Variants in MYO3A observed in about 807,000 individuals in gnomAD.
The protein encoded by MYO3A is myosin IIIA, also known as myosin-IIIa.
A neutral mutation model predicts 192.7 loss-of-function variants in MYO3A; 180 were observed. The ratio of observed to expected loss-of-function variants is 0.93; its 90% CI spans 0.83 to 1.06. MYO3A has a LOEUF of 1.06. MYO3A is among the 50% of genes least tolerant of loss of function. The pLI, the probability that MYO3A is intolerant of heterozygous loss-of-function variation, is 0.00. For missense variants in MYO3A, 1,896 were observed against 1,905.0 expected (o/e 1.00, Z 0.09); for synonymous variants, 628 against 645.3 (o/e 0.97, Z 0.41).
intron 4 of MYO3A, 97 bp from the exon 5 acceptor site, chr10:25,996,393 A>G (rs1213116946): frequency 3.2e-6 from 3 of 940,332 alleles, no homozygotes; most frequent in African/African-American, 1.6e-5. Flanking sequence ...GAAAGAGAAC[A>G]TTGGAACACT....
At chr10:26,069,992 G>A (rs1158210113) in intron 12 of MYO3A, 119 bp from the exon 13 acceptor site, 2 of 691,870 alleles carry the variant, frequency 2.9e-6, no homozygotes, top group African/African-American at 1.8e-5. Flanking sequence ...ATGTTTTGGT[G>A]GAATGAAATG....
chr10:26,185,763 A>G (rs1034284503), intron 31 of MYO3A, among the ~76,000 whole-genome samples: 8 of 152,154 alleles, frequency 5.3e-5, no homozygotes, highest in Admixed American at 2.0e-4. Flanking sequence ...CTAGTATTAT[A>G]GAAAATGTAA....
chr10:26,046,724 A>G (rs1262185119), intron 10 of MYO3A, among the ~76,000 whole-genome samples: 1 of 152,266 alleles, frequency 6.6e-6, no homozygotes, highest in Non-Finnish European at 1.5e-5. Context: ...AAAATTTTGT[A>G]ACCCAAAGTA....
chr10:26,019,646 T>C (rs1180203352), intron 7 of MYO3A, among the ~76,000 whole-genome samples: 1 of 152,206 alleles, frequency 6.6e-6, no homozygotes, highest in Non-Finnish European at 1.5e-5. Flanking sequence ...AGTCATACAA[T>C]ATATGGCCCT....
rs1277597765 is a variant in MYO3A, at chr10:26,143,654, T to G, written c.2416+53T>G. ...TGGTTTTATGAATAGAGTCTTGTCA[T>G]TCTGAATGATTTTTTAAATGGCTTT... On this transcript the variant is annotated intron_variant, in intron 21 of 34. Transcript: ENST00000642920. 4 of 1,592,076 alleles carry G rather than the reference T, an allele frequency of 2.5e-6. No individual in the cohort carries two copies. In the South Asian group the frequency reaches 4.4e-5, roughly 18 times the overall value.
intron 4 of MYO3A, among the ~76,000 whole-genome samples, chr10:25,962,228 T>C (rs975168030): frequency 6.6e-6 from 1 of 152,150 alleles, no homozygotes; most frequent in African/African-American, 2.4e-5. Context: ...TCTGATATGA[T>C]TTTTCTCTTT....
intron 14 of MYO3A, 109 bp from the exon 15 acceptor site, chr10:26,088,094 C>A: frequency 2.3e-6 from 2 of 883,224 alleles, no homozygotes; most frequent in South Asian, 1.9e-5. Context: ...CAGGAACATG[C>A]TTTTGTATGT....
intron 26 of MYO3A, among the ~76,000 whole-genome samples, chr10:26,160,318 A>G (rs1321190682): frequency 1.3e-5 from 2 of 152,228 alleles, no homozygotes; most frequent in African/African-American, 4.8e-5. Flanking sequence ...CAAGGCCAAG[A>G]GAATGATATA....
chr10:26,208,150 G>C (rs1844060942), intron 34 of MYO3A, among the ~76,000 whole-genome samples: 1 of 152,098 alleles, frequency 6.6e-6, no homozygotes, highest in Admixed American at 6.6e-5. Flanking sequence ...AGGAAAAGAG[G>C]ACAACAAGAG....
At position 26,193,312 on chromosome 10, in the gene MYO3A, G is replaced by A; in HGVS notation, c.4545+1G>A. On this transcript the variant is annotated splice_donor_variant, in intron 32 of 34. Transcript: ENST00000642920. LOFTEE classifies it high-confidence loss of function. ...CTCCACATACTATTATCTACTTCAT[G>A]TAAGTGGCTCACTCTTACTATCAGA... 6.2e-7 allele frequency: 1 copy of A among 1,605,914 alleles called. No homozygotes were observed. Among genetic ancestry groups the A allele is most frequent in the Non-Finnish European group, 8.5e-7 (1 of 1,172,976 alleles).
Position 26,022,064 on chromosome 10 carries a change from T to C in MYO3A, c.731+416T>C, listed in dbSNP as rs564546993. On this transcript the variant is annotated intron_variant, in intron 8 of 34. Coordinates refer to ENST00000642920, the MANE Select transcript of MYO3A (RefSeq NM_017433.5). ...GTTCAGAACTTTAAAATAATATTAT[T>C]AAGAAAATTATATATAAAATTTATC... 14 of 153,452 alleles carry C rather than the reference T, an allele frequency of 9.1e-5. No homozygotes were observed. The South Asian group carries it at 1.6e-3, about 18-fold the overall frequency. The allele number at this position is 153,452 out of a possible 1,614,324, so 9.5% of individuals were successfully genotyped here. A position where few individuals can be genotyped will look rare whatever the true frequency, so the allele number is the denominator to read the frequency against.
intron 31 of MYO3A, among the ~76,000 whole-genome samples, chr10:26,191,016 A>T (rs969205550): frequency 1.3e-5 from 2 of 152,170 alleles, no homozygotes; most frequent in Non-Finnish European, 2.9e-5. Flanking sequence ...TAATGTTCTG[A>T]TATTTTAATT....
intron 20 of MYO3A, among the ~76,000 whole-genome samples, chr10:26,132,233 A>G (rs1172551969): frequency 6.6e-6 from 1 of 152,232 alleles, no homozygotes; most frequent in Non-Finnish European, 1.5e-5. Flanking sequence ...AAACTGTGAT[A>G]TAACGACTGA....
intron 14 of MYO3A, among the ~76,000 whole-genome samples, chr10:26,082,756 TTC>T (rs59341701): frequency 1.8e-3 from 262 of 149,492 alleles, no homozygotes; most frequent in African/African-American, 6.1e-3. Flanking sequence ...CTCTCTCTTT[TTC>T]TCTCTCTCTC....
chr10:26,118,380 G>A (rs1455382034), intron 17 of MYO3A, among the ~76,000 whole-genome samples: 2 of 152,076 alleles, frequency 1.3e-5, no homozygotes, highest in Admixed American at 1.3e-4. Context: ...ATCAGCATAT[G>A]TATTGTTACA....
chr10:26,096,823 T>A, intron 17 of MYO3A, 141 bp downstream of exon 17: 1 of 639,086 alleles, frequency 1.6e-6, no homozygotes, highest in East Asian at 2.9e-5. Flanking sequence ...TAACTGGAAA[T>A]ATAATATTTA....
intron 33 of MYO3A, among the ~76,000 whole-genome samples, chr10:26,201,968 T>A (rs1333361394): frequency 6.6e-6 from 1 of 152,208 alleles, no homozygotes; most frequent in Non-Finnish European, 1.5e-5. Context: ...AACTCCTTTT[T>A]GCTTTTTCTC....
chr10:26,007,919 C>T (rs962290306), intron 6 of MYO3A, among the ~76,000 whole-genome samples: 5 of 152,006 alleles, frequency 3.3e-5, no homozygotes, highest in Admixed American at 2.6e-4. Flanking sequence ...GAGCCTGCAT[C>T]GCTAAGTCAA....
intron 10 of MYO3A, among the ~76,000 whole-genome samples, chr10:26,035,915 ATC>A (rs1488823143): frequency 6.6e-6 from 1 of 151,706 alleles, no homozygotes; most frequent in Non-Finnish European, 1.5e-5. Flanking sequence ...TGGTCAAGGA[ATC>A]TTTGTTCATG....
Sources: allele counts gnomAD v4.1 joint callset (sites outside exome capture counted in the v4.1 genomes callset), GRCh38; gene constraint gnomAD v4.1.1; transcripts MANE v1.5; gene names NCBI Gene and HGNC (gene_info 2026-07-23, HGNC 2026-07-21).